CTNNA3: variants seen among roughly 807,000 people sequenced by gnomAD.
CTNNA3 encodes the protein catenin alpha-3.
Under a neutral mutation model 95.7 loss-of-function variants are expected in CTNNA3, and 76 were observed. The ratio of observed to expected loss-of-function variants is 0.79; its 90% CI spans 0.66 to 0.96. The LOEUF (loss-of-function observed/expected upper bound fraction) is 0.96, where lower values mean the gene tolerates loss of function less well. Ranked by LOEUF, CTNNA3 falls within the 40% of genes least tolerant of loss-of-function variation. The probability of loss-of-function intolerance (pLI) is 0.00; values close to 1 mark genes in which losing one functional copy is unlikely to be tolerated. For synonymous variants in CTNNA3, 431 were observed against 374.4 expected (o/e 1.15, Z -1.74); for missense variants, 1,191 against 1,089.8 (o/e 1.09, Z -1.31).
intron 1 of CTNNA3, among the ~76,000 whole-genome samples, 192 bp from the exon 2 acceptor site, chr10:67,647,710 C>G (rs184940619): frequency 4.6e-5 from 7 of 152,300 alleles, no homozygotes; most frequent in Admixed American, 1.3e-4. Flanking sequence ...TCCCTGAGGT[C>G]ATGCTGCCTG....
At chr10:66,394,735 AC>A (rs1462559155) in intron 11 of CTNNA3, among the ~76,000 whole-genome samples, 1 of 152,018 alleles carries the variant, frequency 6.6e-6, no homozygotes, top group African/African-American at 2.4e-5. Flanking sequence ...TTATAAAAAA[AC>A]AGTCAGTATT....
At chr10:67,421,618 G>C (rs1335610951) in intron 5 of CTNNA3, among the ~76,000 whole-genome samples, 1 of 151,954 alleles carries the variant, frequency 6.6e-6, no homozygotes, top group Non-Finnish European at 1.5e-5. Context: ...ACCCTTCTTT[G>C]GGTTTCTTGA....
chr10:66,757,813 G>T (rs990868902), intron 9 of CTNNA3, among the ~76,000 whole-genome samples: 7 of 152,050 alleles, frequency 4.6e-5, no homozygotes, highest in African/African-American at 1.7e-4. Context: ...GGCATTGATA[G>T]AACTGAGCTG....
chr10:66,073,507 G>A (rs2080484486), intron 14 of CTNNA3, among the ~76,000 whole-genome samples: 1 of 152,088 alleles, frequency 6.6e-6, no homozygotes, highest in Non-Finnish European at 1.5e-5. Context: ...AACACACTCA[G>A]CCAAACCATT....
chr10:66,004,107 G>A (rs1390631095), intron 15 of CTNNA3, among the ~76,000 whole-genome samples: 2 of 152,164 alleles, frequency 1.3e-5, no homozygotes, highest in Non-Finnish European at 2.9e-5. Context: ...TGTTTTCAGA[G>A]CTAATTAAAA....
chr10:67,241,246 C>A (rs1865707996), intron 5 of CTNNA3, among the ~76,000 whole-genome samples: 3 of 151,976 alleles, frequency 2.0e-5, no homozygotes, highest in African/African-American at 2.4e-5. Flanking sequence ...CATGGTGAAA[C>A]CCCATCTCTA....
intron 7 of CTNNA3, chr10:67,097,854 G>T (rs1259286114): frequency 1.3e-6 from 2 of 1,485,828 alleles, no homozygotes; most frequent in Non-Finnish European, 1.9e-6. Context: ...AGGACAAAAT[G>T]AGGAAGATGT....
intron 10 of CTNNA3, among the ~76,000 whole-genome samples, chr10:66,590,178 T>C (rs902525186): frequency 6.6e-6 from 1 of 152,038 alleles, no homozygotes; most frequent in Non-Finnish European, 1.5e-5. Flanking sequence ...AAATAGAATA[T>C]TAAATCTAGA....
intron 9 of CTNNA3, among the ~76,000 whole-genome samples, chr10:66,642,078 A>T (rs1845534281): frequency 6.6e-6 from 1 of 152,120 alleles, no homozygotes; most frequent in African/African-American, 2.4e-5. Context: ...TGATATGTGG[A>T]TAAAACGAAA....
chr10:65,941,259 G>A (rs1284732739), intron 17 of CTNNA3, among the ~76,000 whole-genome samples: 1 of 152,126 alleles, frequency 6.6e-6, no homozygotes, highest in Admixed American at 6.5e-5. Context: ...ACAAGAGCAG[G>A]ATCTGCAGCC....
At chr10:66,116,866 C>G (rs1313394540) in intron 13 of CTNNA3, among the ~76,000 whole-genome samples, 1 of 152,070 alleles carries the variant, frequency 6.6e-6, no homozygotes, top group Non-Finnish European at 1.5e-5. Context: ...TTTAAACAAC[C>G]AGATCTGGTG....
At chr10:67,345,854 C>T (rs1301704145) in intron 5 of CTNNA3, among the ~76,000 whole-genome samples, 3 of 152,062 alleles carry the variant, frequency 2.0e-5, no homozygotes, top group Admixed American at 1.3e-4. Flanking sequence ...AAAGGACTTA[C>T]TCCTGCCATT....
intron 7 of CTNNA3, among the ~76,000 whole-genome samples, chr10:67,147,490 T>C (rs1860901079): frequency 6.6e-6 from 1 of 152,202 alleles, no homozygotes; most frequent in South Asian, 2.1e-4. Flanking sequence ...TGTATTCTTT[T>C]CTTCCAGGGT....
chr10:66,369,828 C>T (rs888199616), intron 12 of CTNNA3, among the ~76,000 whole-genome samples: 1 of 152,046 alleles, frequency 6.6e-6, no homozygotes, highest in African/African-American at 2.4e-5. Flanking sequence ...GTACTGCTCA[C>T]CTAAGAAATG....
intron 12 of CTNNA3, among the ~76,000 whole-genome samples, chr10:66,367,783 A>G (rs1028168484): frequency 6.8e-5 from 10 of 148,096 alleles, no homozygotes; most frequent in Non-Finnish European, 1.0e-4. Flanking sequence ...GAGGATAGCG[A>G]ATTGCTTTCT....
In CTNNA3 at chr10:66,479,074, T is replaced by C. The variant is rs78188200; in HGVS notation, c.1531+41543A>G. Among the ~76,000 whole-genome samples, 267 of 152,066 alleles carry C rather than the reference T, an allele frequency of 1.8e-3. 6 individuals are homozygous for C. The East Asian group carries it at 0.043, about 24-fold the overall frequency. On this transcript the variant is annotated intron_variant, in intron 11 of 17. Coordinates refer to ENST00000433211, the MANE Select transcript of CTNNA3 (RefSeq NM_013266.4). ...TAGATCTTTATGTAGAATTCGTTTT[T>C]GTACAGTTTTTGAGATTTGCATCTA...
chr10:67,356,745 C>T (rs1483169844), intron 5 of CTNNA3, among the ~76,000 whole-genome samples: 4 of 152,216 alleles, frequency 2.6e-5, no homozygotes, highest in East Asian at 1.9e-4. Context: ...TGCCTCCTTA[C>T]TTAGCTTAGA....
intron 10 of CTNNA3, among the ~76,000 whole-genome samples, chr10:66,554,318 A>G (rs1397446538): frequency 1.3e-5 from 2 of 152,142 alleles, no homozygotes; most frequent in Non-Finnish European, 2.9e-5. Flanking sequence ...TATCAGTGAT[A>G]TGTCAAAATA....
intron 11 of CTNNA3, among the ~76,000 whole-genome samples, chr10:66,503,564 G>C (rs1840350118): frequency 6.6e-6 from 1 of 152,028 alleles, no homozygotes; most frequent in African/African-American, 2.4e-5. Flanking sequence ...TGCCTCCCGG[G>C]TTCAAGCAAT....
Sources: allele counts gnomAD v4.1 joint callset (sites outside exome capture counted in the v4.1 genomes callset), GRCh38; gene constraint gnomAD v4.1.1; transcripts MANE v1.5; gene names NCBI Gene and HGNC (gene_info 2026-07-23, HGNC 2026-07-21).